Variants in UBR3 observed in about 807,000 individuals in gnomAD.
UBR3 encodes the protein ubiquitin protein ligase E3 component n-recognin 3.
In UBR3, 85 loss-of-function variants were observed where a neutral mutation model predicts 243.2. The observed-to-expected ratio is 0.35, with a 90% CI of 0.29 to 0.42. The LOEUF is 0.42. Among genes scored for constraint, UBR3 ranks in the 10% least tolerant of loss-of-function variants. The pLI is 1.00. For synonymous variants in UBR3, 748 were observed against 799.8 expected, an observed-to-expected ratio of 0.94 and a Z score of 1.09; for missense variants, 1,686 against 2,300.8, an observed-to-expected ratio of 0.73 and a Z score of 5.47.
At chr2:169,828,650 A>C (rs1222059341) in intron 1 of UBR3, among the ~76,000 whole-genome samples, 1 of 152,072 alleles carries the variant, frequency 6.6e-6, no homozygotes, top group Non-Finnish European at 1.5e-5. Flanking sequence ...ATGAAAAGTG[A>C]CTGTTGAGCT....
chr2:169,908,092 A>G (rs1205931800), intron 10 of UBR3, among the ~76,000 whole-genome samples: 4 of 152,092 alleles, frequency 2.6e-5, no homozygotes, highest in Admixed American at 2.6e-4. Context: ...TTATTCCCCA[A>G]CATGCAGTGT....
At chr2:169,886,281 C>A (rs1435122306) in intron 5 of UBR3, among the ~76,000 whole-genome samples, 2 of 152,056 alleles carry the variant, frequency 1.3e-5, no homozygotes, top group African/African-American at 2.4e-5. Context: ...GTGGGAAAGG[C>A]CTTAGAAATA....
At chr2:169,978,347 A>C (rs12692935) in intron 24 of UBR3, among the ~76,000 whole-genome samples, 149,898 of 152,072 alleles carry the variant, frequency 0.99, 73,904 homozygotes, top group East Asian at 1. Flanking sequence ...TCTTGGCGTG[A>C]CATTTTGCTC....
At chr2:169,882,126 T>C (rs1194119645) in intron 5 of UBR3, among the ~76,000 whole-genome samples, 80 of 128,554 alleles carry the variant, frequency 6.2e-4, no homozygotes, top group Non-Finnish European at 1.1e-3. Flanking sequence ...ATGTATATTA[T>C]ATACATATAT....
intron 28 of UBR3, 93 bp from the exon 29 acceptor site, chr2:170,008,710 TC>T: frequency 1.6e-6 from 1 of 630,614 alleles, no homozygotes; most frequent in African/African-American, 1.9e-5. Flanking sequence ...AATTTTAATT[TC>T]CTACTATGTT....
chr2:169,934,836 C>T (rs73015775), intron 19 of UBR3, among the ~76,000 whole-genome samples: 6,629 of 152,248 alleles, frequency 0.044, 164 homozygotes, highest in Middle Eastern at 0.068. Context: ...TTATGTGATG[C>T]TTAGATGCTT....
chr2:169,987,913 A>G (rs1445283460), intron 25 of UBR3, among the ~76,000 whole-genome samples: 1 of 152,138 alleles, frequency 6.6e-6, no homozygotes, highest in Non-Finnish European at 1.5e-5. Flanking sequence ...GAGAGCTCAT[A>G]TTGACTTTAG....
chr2:169,833,784 A>G (rs2082007029), intron 1 of UBR3, among the ~76,000 whole-genome samples: 1 of 144,402 alleles, frequency 6.9e-6, no homozygotes, highest in Admixed American at 7.0e-5. Context: ...GCATTTCTAG[A>G]TTTTTTTTTT....
At chr2:170,042,202 G>C (rs1033250423) in intron 32 of UBR3, among the ~76,000 whole-genome samples, 3 of 152,030 alleles carry the variant, frequency 2.0e-5, no homozygotes, top group African/African-American at 7.2e-5. Context: ...TGGATATTTT[G>C]TATTAATGAT....
chr2:169,863,327 A>G (rs1169048833), intron 1 of UBR3, among the ~76,000 whole-genome samples: 1 of 152,240 alleles, frequency 6.6e-6, no homozygotes, highest in Non-Finnish European at 1.5e-5. Context: ...GTGATATTTC[A>G]TTGAGTTGCA....
intron 1 of UBR3, among the ~76,000 whole-genome samples, chr2:169,870,646 T>TTTA (rs1276715963): frequency 2.0e-5 from 3 of 152,002 alleles, no homozygotes; most frequent in Non-Finnish European, 4.4e-5. Context: ...GAAACTGTCT[T>TTTA]TTATTATTAT....
chr2:170,009,883 C>T (rs1319522954), intron 29 of UBR3, among the ~76,000 whole-genome samples: 1 of 151,962 alleles, frequency 6.6e-6, no homozygotes, highest in African/African-American at 2.4e-5. Flanking sequence ...TATAGTTGAT[C>T]ATGGCTATTC....
intron 1 of UBR3, among the ~76,000 whole-genome samples, chr2:169,855,354 AT>A (rs1043663190): frequency 1.3e-4 from 19 of 151,226 alleles, no homozygotes; most frequent in Non-Finnish European, 1.8e-4. Context: ...TTTAATTTTT[AT>A]TTTTTTTAGT....
intron 25 of UBR3, among the ~76,000 whole-genome samples, chr2:169,988,534 G>T (rs1160121921): frequency 1.3e-5 from 2 of 152,228 alleles, no homozygotes; most frequent in African/African-American, 4.8e-5. Context: ...CCAGGACACA[G>T]TGGTTCACGC....
intron 25 of UBR3, among the ~76,000 whole-genome samples, chr2:169,990,750 TAAAAG>T (rs1438706170): frequency 7.7e-5 from 10 of 130,198 alleles, no homozygotes; most frequent in Non-Finnish European, 1.3e-4. Flanking sequence ...CACACACACA[TAAAAG>T]AAAAGAGAAG....
At chr2:170,040,295 C>T (rs1320514554) in intron 31 of UBR3, among the ~76,000 whole-genome samples, 5 of 151,724 alleles carry the variant, frequency 3.3e-5, no homozygotes, top group East Asian at 3.9e-4. Flanking sequence ...TTTGTAGTGG[C>T]GGGTTTTCAC....
At chr2:169,969,484 G>A (rs1234060311) in intron 24 of UBR3, among the ~76,000 whole-genome samples, 1 of 151,144 alleles carries the variant, frequency 6.6e-6, no homozygotes, top group Non-Finnish European at 1.5e-5. Flanking sequence ...TACCTTTGTT[G>A]AAAATCAGTT....
chr2:169,910,659 C>T (rs2085216957), intron 10 of UBR3, among the ~76,000 whole-genome samples: 1 of 152,104 alleles, frequency 6.6e-6, no homozygotes, highest in South Asian at 2.1e-4. Context: ...AAGACATTCT[C>T]TTCGTGAGCA....
chr2:169,936,119 G>A (rs192381382), intron 19 of UBR3, among the ~76,000 whole-genome samples: 1 of 152,214 alleles, frequency 6.6e-6, no homozygotes, highest in African/African-American at 2.4e-5. Flanking sequence ...GAGTACAATG[G>A]CATGATCTCG....
Sources: gnomAD v4.1 joint callset for allele counts (sites outside exome capture counted in the v4.1 genomes callset) on GRCh38, gnomAD v4.1.1 for gene constraint, MANE v1.5 for transcripts, NCBI Gene and HGNC (gene_info 2026-07-23, HGNC 2026-07-21) for gene names.